The following CCNY variants were observed in gnomAD, a reference collection of about 807,000 sequenced individuals.
CCNY encodes the protein cyclin-Y.
A neutral mutation model predicts 42.8 loss-of-function variants in CCNY; 19 were observed. That is an observed-to-expected ratio of 0.44 (90% CI 0.31 to 0.65). CCNY has a LOEUF of 0.65. Among genes scored for constraint, CCNY ranks in the 30% least tolerant of loss-of-function variants. The pLI, the probability that CCNY is intolerant of heterozygous loss-of-function variation, is 0.07. For synonymous variants in CCNY, 165 were observed against 162.7 expected, an observed-to-expected ratio of 1.01 and a Z score of -0.11; for missense variants, 370 against 437.3, an observed-to-expected ratio of 0.85 and a Z score of 1.37.
intron 1 of CCNY, among the ~76,000 whole-genome samples, chr10:35,385,535 C>T (rs1268682300): frequency 1.3e-5 from 2 of 152,206 alleles, no homozygotes; most frequent in Non-Finnish European, 2.9e-5. Context: ...TTTTAATTAA[C>T]ACATGGAATG....
chr10:35,466,170 T>C (rs3013370), intron 1 of CCNY, among the ~76,000 whole-genome samples: 57,985 of 151,628 alleles, frequency 0.38, 11,498 homozygotes, highest in African/African-American at 0.48. Flanking sequence ...GTTATAGGGA[T>C]ATAAGAAGTA....
intron 1 of CCNY, among the ~76,000 whole-genome samples, chr10:35,340,119 C>T (rs1264408109): frequency 6.6e-6 from 1 of 152,174 alleles, no homozygotes; most frequent in Non-Finnish European, 1.5e-5. Context: ...GGTAATATTA[C>T]CCTTACTTTA....
intron 1 of CCNY, among the ~76,000 whole-genome samples, chr10:35,337,587 GTGCACGCGTT>G (rs2135114227): frequency 6.6e-6 from 1 of 152,322 alleles, no homozygotes; most frequent in East Asian, 1.9e-4. Flanking sequence ...AAGCCAAGTT[GTGCACGCGTT>G]TGTCCTATAA....
chr10:35,386,347 G>T (rs377556615), intron 1 of CCNY, among the ~76,000 whole-genome samples: 1 of 152,160 alleles, frequency 6.6e-6, no homozygotes, highest in Non-Finnish European at 1.5e-5. Flanking sequence ...TTCTCATCCT[G>T]CAGGTCTCTC....
At chr10:35,351,333 C>A (rs760132570) in intron 1 of CCNY, among the ~76,000 whole-genome samples, 7 of 152,238 alleles carry the variant, frequency 4.6e-5, no homozygotes, top group Non-Finnish European at 7.3e-5. Flanking sequence ...TTAGGCAAAG[C>A]TGCCAAACCT....
chr10:35,497,566 T>G (rs1466771559), intron 2 of CCNY, among the ~76,000 whole-genome samples: 1 of 151,950 alleles, frequency 6.6e-6, no homozygotes, highest in Non-Finnish European at 1.5e-5. Context: ...GGCAAAACCC[T>G]GTCTCTACTA....
At chr10:35,387,538 C>G (rs1174053068) in intron 1 of CCNY, among the ~76,000 whole-genome samples, 1 of 151,956 alleles carries the variant, frequency 6.6e-6, no homozygotes, top group Non-Finnish European at 1.5e-5. Flanking sequence ...AGGGAGGATG[C>G]CAGGGGATAA....
intron 1 of CCNY, among the ~76,000 whole-genome samples, chr10:35,429,451 T>A (rs1838337292): frequency 6.6e-6 from 1 of 152,196 alleles, no homozygotes; most frequent in Non-Finnish European, 1.5e-5. Flanking sequence ...AAACCATAGC[T>A]TTTTGGGGTC....
chr10:35,305,062 G>A (rs540939626), intron 3 of CCNY, among the ~76,000 whole-genome samples: 4 of 152,156 alleles, frequency 2.6e-5, no homozygotes, highest in African/African-American at 9.7e-5. Context: ...ATTCCCGTTT[G>A]TTTCTTTTGG....
At chr10:35,322,958 G>A (rs1334168018) in intron 3 of CCNY, among the ~76,000 whole-genome samples, 2 of 152,072 alleles carry the variant, frequency 1.3e-5, no homozygotes, top group African/African-American at 2.4e-5. Context: ...ATGGAGTCTC[G>A]CTCTGTCGCT....
chr10:35,362,046 G>A (rs951606003), intron 1 of CCNY, among the ~76,000 whole-genome samples: 46 of 152,146 alleles, frequency 3.0e-4, no homozygotes, highest in Admixed American at 2.6e-3. Context: ...TTCAGGTTAT[G>A]TGTATAAGGT....
intron 2 of CCNY, among the ~76,000 whole-genome samples, chr10:35,486,759 A>G (rs759027815): frequency 3.3e-5 from 5 of 152,214 alleles, no homozygotes; most frequent in Admixed American, 6.5e-5. Flanking sequence ...TGCTTCCGCC[A>G]TACATACTGA....
intron 1 of CCNY, among the ~76,000 whole-genome samples, chr10:35,462,479 C>T (rs1336946162): frequency 1.3e-5 from 2 of 152,220 alleles, no homozygotes; most frequent in African/African-American, 4.8e-5. Context: ...ATCAGGAAAC[C>T]ATGGTGAACT....
In CCNY at chr10:35,384,745, A is replaced by G. The variant is rs148048169; in HGVS notation, c.154+47538A>G. On this transcript the variant is annotated intron_variant, in intron 1 of 9. Coordinates refer to ENST00000374704, the MANE Select transcript of CCNY (RefSeq NM_145012.6). The stretch of plus-strand genomic sequence containing the variant: ...CATAGTTTGCCTGTCCTTCTCCCCC[A>G]GGGACAAGGTGCCCCTGGGACCCTT... Among the ~76,000 whole-genome samples, 680 of 152,206 alleles carry G rather than the reference A, an allele frequency of 4.5e-3. 6 individuals carry two copies. The highest frequency in any genetic ancestry group is 6.8e-3 in the Non-Finnish European group (464 of 67,994).
chr10:35,338,856 T>TA (rs1261524577), intron 1 of CCNY, among the ~76,000 whole-genome samples: 2 of 152,238 alleles, frequency 1.3e-5, no homozygotes, highest in Non-Finnish European at 2.9e-5. Context: ...ACAGTTATTA[T>TA]AGACTATTGT....
chr10:35,382,500 G>A (rs1837209641), intron 1 of CCNY, among the ~76,000 whole-genome samples: 1 of 152,176 alleles, frequency 6.6e-6, no homozygotes, highest in African/African-American at 2.4e-5. Context: ...CTTCTCCATT[G>A]ATTTTGCCCC....
intron 3 of CCNY, among the ~76,000 whole-genome samples, chr10:35,330,987 C>T (rs777408512): frequency 6.6e-6 from 1 of 152,148 alleles, no homozygotes; most frequent in Non-Finnish European, 1.5e-5. Context: ...CTTGAACTCT[C>T]GACCTCAGGT....
chr10:35,539,766 A>G (rs1840961396), intron 7 of CCNY, among the ~76,000 whole-genome samples: 1 of 152,228 alleles, frequency 6.6e-6, no homozygotes, highest in Non-Finnish European at 1.5e-5. Context: ...CAGCCTGGTG[A>G]CAGAGTGAGA....
chr10:35,483,285 A>C (rs1000003738), intron 1 of CCNY, 119 bp from the exon 2 acceptor site: 21 of 679,142 alleles, frequency 3.1e-5, no homozygotes, highest in Non-Finnish European at 4.7e-5. Context: ...TAATAGCTAT[A>C]GGTTTCCAGA....
Sources: allele counts gnomAD v4.1 joint callset (sites outside exome capture counted in the v4.1 genomes callset), GRCh38; gene constraint gnomAD v4.1.1; transcripts MANE v1.5; gene names NCBI Gene and HGNC (gene_info 2026-07-23, HGNC 2026-07-21).